The following CAMKMT variants were observed in gnomAD, a reference collection of about 807,000 sequenced individuals.
CAMKMT encodes the protein calmodulin-lysine N-methyltransferase, also known as CaM KMT.
A neutral mutation model predicts 48.0 loss-of-function variants in CAMKMT; 53 were observed. The observed-to-expected ratio is 1.10, with a 90% CI of 0.89 to 1.39. The LOEUF is 1.39. Ranked by LOEUF, CAMKMT falls within the 40% of genes most tolerant of loss-of-function variation. The pLI is 0.00. For missense variants in CAMKMT, 428 were observed against 402.7 expected (o/e 1.06, Z -0.54); for synonymous variants, 165 against 152.3 (o/e 1.08, Z -0.61).
intron 3 of CAMKMT, among the ~76,000 whole-genome samples, chr2:44,502,816 C>T (rs1670070218): frequency 6.6e-6 from 1 of 151,960 alleles, no homozygotes; most frequent in Non-Finnish European, 1.5e-5. Flanking sequence ...AATTATTATC[C>T]ATAATAAAAT....
chr2:44,728,514 G>A (rs911267724), intron 7 of CAMKMT, among the ~76,000 whole-genome samples: 1 of 152,122 alleles, frequency 6.6e-6, no homozygotes, highest in African/African-American at 2.4e-5. Context: ...TTCTTCATAT[G>A]TCTGGCAGAA....
intron 9 of CAMKMT, among the ~76,000 whole-genome samples, chr2:44,761,798 T>G (rs343940): frequency 0.04 from 6,128 of 152,280 alleles, 166 homozygotes; most frequent in Admixed American, 0.056. Context: ...TATGCGTGTG[T>G]GTGTGCTGCA....
intron 3 of CAMKMT, among the ~76,000 whole-genome samples, chr2:44,442,531 T>C (rs960483635): frequency 6.6e-6 from 1 of 152,210 alleles, no homozygotes; most frequent in African/African-American, 2.4e-5. Flanking sequence ...TACTAAGCCA[T>C]ATTGTATTCC....
chr2:44,373,398 A>T (rs1040119086), intron 2 of CAMKMT, among the ~76,000 whole-genome samples: 1 of 152,234 alleles, frequency 6.6e-6, no homozygotes, highest in Non-Finnish European at 1.5e-5. Context: ...GACTTTAAAA[A>T]TCATTAGAAA....
chr2:44,543,727 T>G (rs1275165262), intron 3 of CAMKMT, among the ~76,000 whole-genome samples: 1 of 152,214 alleles, frequency 6.6e-6, no homozygotes, highest in Non-Finnish European at 1.5e-5. Context: ...GATAGAAAAT[T>G]AGAAAATACC....
chr2:44,552,367 C>G (rs1029504232), intron 3 of CAMKMT, among the ~76,000 whole-genome samples: 1 of 152,074 alleles, frequency 6.6e-6, no homozygotes, highest in Non-Finnish European at 1.5e-5. Flanking sequence ...GACAGGCAAA[C>G]TGAACCAATT....
At chr2:44,699,846 C>A (rs1677165864) in intron 3 of CAMKMT, among the ~76,000 whole-genome samples, 2 of 152,278 alleles carry the variant, frequency 1.3e-5, no homozygotes, top group Admixed American at 1.3e-4. Flanking sequence ...TAGTCACCAG[C>A]CGCACTAGCC....
At chr2:44,632,256 TATC>T (rs879922623) in intron 3 of CAMKMT, among the ~76,000 whole-genome samples, 3 of 152,218 alleles carry the variant, frequency 2.0e-5, no homozygotes, top group Non-Finnish European at 4.4e-5. Flanking sequence ...CTGCTAGTAA[TATC>T]ATCTTTTGTT....
At chr2:44,405,943 T>TAA (rs780462383) in intron 3 of CAMKMT, among the ~76,000 whole-genome samples, 18 of 152,216 alleles carry the variant, frequency 1.2e-4, no homozygotes, top group South Asian at 1.0e-3. Context: ...AATCTGTGCC[T>TAA]AAACTTTAAG....
chr2:44,420,330 C>G (rs779350211), intron 3 of CAMKMT, among the ~76,000 whole-genome samples: 4 of 152,036 alleles, frequency 2.6e-5, no homozygotes, highest in Non-Finnish European at 4.4e-5. Context: ...TTTCTTTAAT[C>G]TTAGAATCCA....
intron 3 of CAMKMT, among the ~76,000 whole-genome samples, chr2:44,453,784 G>T (rs963443432): frequency 6.6e-6 from 1 of 151,984 alleles, no homozygotes; most frequent in East Asian, 1.9e-4. Flanking sequence ...CTAGAACCTA[G>T]GTTTAAAATG....
At chr2:44,529,380 T>G (rs1666344617) in intron 3 of CAMKMT, among the ~76,000 whole-genome samples, 1 of 152,238 alleles carries the variant, frequency 6.6e-6, no homozygotes. Flanking sequence ...ATGAAAAGCT[T>G]CCCTGTGTAG....
chr2:44,484,425 A>G (rs1158673672), intron 3 of CAMKMT, among the ~76,000 whole-genome samples: 1 of 152,040 alleles, frequency 6.6e-6, no homozygotes, highest in African/African-American at 2.4e-5. Context: ...ATACCCACAT[A>G]TATGTGGAAA....
At chr2:44,372,466 CAAA>C (rs35734499) in intron 1 of CAMKMT, among the ~76,000 whole-genome samples, 24 of 136,376 alleles carry the variant, frequency 1.8e-4, no homozygotes, top group Non-Finnish European at 1.9e-4. Flanking sequence ...GATCCTGTCT[CAAA>C]AAAAAAAAAA....
intron 3 of CAMKMT, among the ~76,000 whole-genome samples, chr2:44,667,665 C>G (rs1356195044): frequency 6.6e-6 from 1 of 152,136 alleles, no homozygotes; most frequent in Non-Finnish European, 1.5e-5. Flanking sequence ...GCTACCTACC[C>G]CCGCAGTCAT....
intron 7 of CAMKMT, among the ~76,000 whole-genome samples, chr2:44,734,967 T>G (rs1010630599): frequency 2.6e-5 from 4 of 152,198 alleles, no homozygotes; most frequent in Non-Finnish European, 4.4e-5. Context: ...TGACAATAAT[T>G]TGGTTTCATC....
chr2:44,607,392 A>AT (rs1671345807), intron 3 of CAMKMT, among the ~76,000 whole-genome samples: 1 of 152,222 alleles, frequency 6.6e-6, no homozygotes, highest in Non-Finnish European at 1.5e-5. Context: ...TCTAAAAAGT[A>AT]TTTTTTAAAT....
chr2:44,615,590 C>G (rs1345994246), intron 3 of CAMKMT, among the ~76,000 whole-genome samples: 1 of 151,902 alleles, frequency 6.6e-6, no homozygotes, highest in Admixed American at 6.6e-5. Flanking sequence ...GTTTTGGAGG[C>G]ATTTAGGTGA....
chr2:44,738,838 A>T (rs979549727), intron 7 of CAMKMT, among the ~76,000 whole-genome samples: 22 of 152,210 alleles, frequency 1.4e-4, no homozygotes, highest in Admixed American at 1.4e-3. Flanking sequence ...TGGTCAGGGA[A>T]GGCCTCCCTG....
Sources: allele counts gnomAD v4.1 joint callset (sites outside exome capture counted in the v4.1 genomes callset), GRCh38; gene constraint gnomAD v4.1.1; transcripts MANE v1.5; gene names NCBI Gene and HGNC (gene_info 2026-07-23, HGNC 2026-07-21).